Variants in STARD13 observed in about 807,000 individuals in gnomAD.
The protein encoded by STARD13 is StAR related lipid transfer domain containing 13.
STARD13 carries 62 observed loss-of-function variants against 106.4 expected under a neutral mutation model. The observed-to-expected ratio is 0.58, with a 90% confidence interval of 0.48 to 0.72. STARD13 has a LOEUF of 0.72. Ranked by LOEUF, STARD13 falls within the 30% of genes least tolerant of loss-of-function variation. The pLI, the probability that STARD13 is intolerant of heterozygous loss-of-function variation, is 0.00. For synonymous variants in STARD13, 565 were observed against 553.0 expected (o/e 1.02, Z -0.31); for missense variants, 1,387 against 1,424.0 (o/e 0.97, Z 0.42).
the STARD13 span, among the ~76,000 whole-genome samples, chr13:33,419,750 G>A: frequency 1.3e-5 from 2 of 152,246 alleles, no homozygotes; most frequent in African/African-American, 4.8e-5. Context: ...CAGACTAACA[G>A]CAGATCTCTT....
chr13:33,240,874 G>T (rs1177059455), intron 1 of STARD13, among the ~76,000 whole-genome samples: 1 of 152,026 alleles, frequency 6.6e-6, no homozygotes, highest in Non-Finnish European at 1.5e-5. Context: ...ATTGATAATT[G>T]TTCATGTATA....
chr13:33,439,523 A>G, the STARD13 span, among the ~76,000 whole-genome samples: 3 of 152,240 alleles, frequency 2.0e-5, no homozygotes, highest in Admixed American at 1.3e-4. Context: ...AACTTTTCCA[A>G]TTTTCAAAAT....
the STARD13 span, among the ~76,000 whole-genome samples, chr13:33,522,570 C>T: frequency 6.6e-6 from 1 of 152,174 alleles, no homozygotes; most frequent in African/African-American, 2.4e-5. Flanking sequence ...CTCCAGCACT[C>T]ACGGATTTTT....
chr13:33,276,190 G>A (rs1205214237), intron 1 of STARD13: 1 of 152,186 alleles, frequency 6.6e-6, no homozygotes, highest in Non-Finnish European at 1.5e-5. Context: ...AGGGAAGGAG[G>A]TCAGTAGACT....
intron 1 of STARD13, among the ~76,000 whole-genome samples, chr13:33,198,612 C>T (rs1886805036): frequency 6.6e-6 from 1 of 152,116 alleles, no homozygotes; most frequent in South Asian, 2.1e-4. Flanking sequence ...CTAAAATAAA[C>T]ATAGTTCATT....
At chr13:33,388,417 G>A in the STARD13 span, among the ~76,000 whole-genome samples, 2 of 152,328 alleles carry the variant, frequency 1.3e-5, no homozygotes. Flanking sequence ...CCAGGGCAGT[G>A]CAGTCACGCA....
intron 1 of STARD13, among the ~76,000 whole-genome samples, chr13:33,168,892 C>T (rs1188409604): frequency 6.6e-6 from 1 of 152,216 alleles, no homozygotes; most frequent in Non-Finnish European, 1.5e-5. Flanking sequence ...ACCCTACCGC[C>T]TAGTTCCACA....
chr13:33,579,592 A>G, the STARD13 span, among the ~76,000 whole-genome samples: 1 of 151,410 alleles, frequency 6.6e-6, no homozygotes, highest in Non-Finnish European at 1.5e-5. Flanking sequence ...TAATTTGCCT[A>G]TGTAACCAAA....
the STARD13 span, among the ~76,000 whole-genome samples, chr13:33,502,427 T>C: frequency 6.6e-6 from 1 of 152,334 alleles, no homozygotes; most frequent in Admixed American, 6.5e-5. Context: ...CTATGTTGAA[T>C]AGGAGTGGTG....
the STARD13 span, among the ~76,000 whole-genome samples, chr13:33,650,168 T>TTTG: frequency 6.1e-5 from 1 of 16,460 alleles, no homozygotes; most frequent in Admixed American, 6.1e-4. Flanking sequence ...ACTCCAATTT[T>TTTG]TTTTTTTTTT....
At position 33,103,978 on chromosome 13, in the gene STARD13, C is replaced by T. The variant is rs1314092168; in HGVS notation, c.*1615G>A. On this transcript the variant is annotated 3_prime_UTR_variant, in exon 14 of 14. Coordinates refer to ENST00000336934, the MANE Select transcript of STARD13 (RefSeq NM_178006.4). ...ATAATTCAAACTGTAAGATTTTCCT[C>T]GCACCATACCAAACTCATAGAAAGC... 3 of 152,142 alleles carry T rather than the reference C, an allele frequency of 2.0e-5. No individual in the cohort carries two copies. The highest frequency in any genetic ancestry group is 6.5e-5 in the Admixed American group (1 of 15,270). 9.4% of individuals were successfully genotyped at this position (152,142 alleles called of 1,614,324 possible).
At chr13:33,343,512 A>G (rs370752611) in intron 1 of STARD13, among the ~76,000 whole-genome samples, 19 of 135,336 alleles carry the variant, frequency 1.4e-4, no homozygotes, top group African/African-American at 4.8e-4. Context: ...TTCAAGGTTG[A>G]GGCTGCACTG....
At chr13:33,391,105 T>C in the STARD13 span, among the ~76,000 whole-genome samples, 15 of 152,158 alleles carry the variant, frequency 9.9e-5, no homozygotes, top group Non-Finnish European at 1.2e-4. Flanking sequence ...ACATCATTAA[T>C]TATTGTTAAG....
chr13:33,250,018 C>T (rs60383278), intron 1 of STARD13, among the ~76,000 whole-genome samples: 4,351 of 152,064 alleles, frequency 0.029, 221 homozygotes, highest in African/African-American at 0.1. Context: ...CTTGAACTCC[C>T]GGGCTCAAGT....
the STARD13 span, among the ~76,000 whole-genome samples, chr13:33,477,997 T>TGACTG: frequency 6.6e-6 from 1 of 152,212 alleles, no homozygotes; most frequent in Non-Finnish European, 1.5e-5. Context: ...TCATGACTCA[T>TGACTG]GACTGCTTCC....
At chr13:33,512,393 T>C in the STARD13 span, among the ~76,000 whole-genome samples, 1 of 152,170 alleles carries the variant, frequency 6.6e-6, no homozygotes, top group Non-Finnish European at 1.5e-5. Context: ...GCTTTCAAGA[T>C]TAAGAGTCTT....
At chr13:33,228,579 G>A (rs1888741026) in intron 1 of STARD13, among the ~76,000 whole-genome samples, 1 of 152,162 alleles carries the variant, frequency 6.6e-6, no homozygotes, top group Non-Finnish European at 1.5e-5. Flanking sequence ...TCAACCAAGA[G>A]TTTGATTCCA....
At chr13:33,443,598 T>C in the STARD13 span, among the ~76,000 whole-genome samples, 1 of 151,830 alleles carries the variant, frequency 6.6e-6, no homozygotes, top group Non-Finnish European at 1.5e-5. Flanking sequence ...ATTAAGAGGA[T>C]GTCTCGGCCA....
At chr13:33,199,269 T>C (rs1233473840) in intron 1 of STARD13, among the ~76,000 whole-genome samples, 1 of 152,232 alleles carries the variant, frequency 6.6e-6, no homozygotes, top group Non-Finnish European at 1.5e-5. Context: ...TTGAATTGTG[T>C]CCATATCTGT....
Sources: gnomAD v4.1 joint callset for allele counts (sites outside exome capture counted in the v4.1 genomes callset) on GRCh38, gnomAD v4.1.1 for gene constraint, MANE v1.5 for transcripts, NCBI Gene and HGNC (gene_info 2026-07-23, HGNC 2026-07-21) for gene names.